Variants in DENND1A observed in about 807,000 individuals in gnomAD.
DENND1A encodes the protein DENN domain containing 1A.
A neutral mutation model predicts 113.7 loss-of-function variants in DENND1A; 51 were observed. The ratio of observed to expected loss-of-function variants is 0.45; its 90% confidence interval spans 0.36 to 0.57. The LOEUF is 0.57. Ranked by LOEUF, DENND1A falls within the 20% of genes least tolerant of loss-of-function variation. DENND1A has a pLI of 0.00. For missense variants in DENND1A, 1,258 were observed against 1,395.9 expected (o/e 0.90, Z 1.57); for synonymous variants, 565 against 570.8 (o/e 0.99, Z 0.14).
intron 5 of DENND1A, among the ~76,000 whole-genome samples, chr9:123,745,754 T>C (rs766639838): frequency 3.3e-5 from 5 of 152,136 alleles, no homozygotes; most frequent in Non-Finnish European, 7.3e-5. Flanking sequence ...CATAAACAAC[T>C]CAACCCCTTT....
intron 19 of DENND1A, among the ~76,000 whole-genome samples, chr9:123,419,404 A>G (rs767451897): frequency 9.9e-5 from 15 of 152,256 alleles, no homozygotes; most frequent in Non-Finnish European, 1.9e-4. Context: ...AGGCCCTGCC[A>G]TTTCTCAGTT....
At chr9:123,711,515 A>ATATATG (rs1554970688) in intron 5 of DENND1A, among the ~76,000 whole-genome samples, 2,097 of 30,432 alleles carry the variant, frequency 0.069, 25 homozygotes, top group East Asian at 0.13. Flanking sequence ...GTATATATGT[A>ATATATG]TATATATATA....
chr9:123,719,571 T>A (rs2067202202), intron 5 of DENND1A, among the ~76,000 whole-genome samples: 1 of 152,248 alleles, frequency 6.6e-6, no homozygotes, highest in Non-Finnish European at 1.5e-5. Context: ...CAGGCTCAGT[T>A]AAATCGCAGA....
intron 13 of DENND1A, among the ~76,000 whole-genome samples, chr9:123,470,364 G>GCCAGGGGTTGCCTCACTCA (rs1554830810): frequency 6.6e-6 from 1 of 151,182 alleles, no homozygotes; most frequent in Non-Finnish European, 1.5e-5. Context: ...CACGTGGCCA[G>GCCAGGGGTTGCCTCACTCA]CGCCAGGGGT....
intron 10 of DENND1A, among the ~76,000 whole-genome samples, chr9:123,609,831 A>G (rs2060332495): frequency 6.6e-6 from 1 of 152,190 alleles, no homozygotes; most frequent in Admixed American, 6.5e-5. Context: ...AAGAAAATAT[A>G]CGTTAAATGA....
intron 12 of DENND1A, among the ~76,000 whole-genome samples, chr9:123,567,784 T>C (rs1421784841): frequency 1.3e-5 from 2 of 152,146 alleles, no homozygotes; most frequent in Non-Finnish European, 2.9e-5. Context: ...GCCCAAAAGA[T>C]GAGCATATCA....
At chr9:123,616,940 C>T (rs186880843) in intron 10 of DENND1A, among the ~76,000 whole-genome samples, 1 of 152,368 alleles carries the variant, frequency 6.6e-6, no homozygotes, top group Non-Finnish European at 1.5e-5. Context: ...CAAACCGCTA[C>T]AAGGAGACGC....
At chr9:123,792,536 C>A in intron 3 of DENND1A, 51 bp downstream of exon 3, 1 of 1,580,910 alleles carries the variant, frequency 6.3e-7, no homozygotes, top group Non-Finnish European at 8.7e-7. Context: ...ATATGTTGAA[C>A]AACTCTGAAA....
At chr9:123,668,201 G>A (rs1424995128) in intron 7 of DENND1A, among the ~76,000 whole-genome samples, 1 of 152,120 alleles carries the variant, frequency 6.6e-6, no homozygotes, top group Non-Finnish European at 1.5e-5. Flanking sequence ...CGTAGCCATG[G>A]CCTAAGTTCA....
At chr9:123,740,599 A>T (rs1276452836) in intron 5 of DENND1A, among the ~76,000 whole-genome samples, 2 of 151,072 alleles carry the variant, frequency 1.3e-5, no homozygotes, top group African/African-American at 2.4e-5. Context: ...TCCTTCTTAG[A>T]AAAAAAAAAT....
In DENND1A at chr9:123,383,537, G is replaced by A. The variant is rs1034450472; in HGVS notation, c.2019+118C>T. On this transcript the variant is annotated intron_variant, in intron 23 of 23. Coordinates refer to ENST00000394215, the MANE Select transcript of DENND1A (RefSeq NM_001352964.2). The stretch of plus-strand genomic sequence containing the variant: ...GTCACACTGACCCTGAGCATTGGCT[G>A]AGGGTCTTGGAAAGTCACTGTTTCT... 4.8e-6 allele frequency: 7 copies of A among 1,457,064 alleles called. No individual in the cohort carries two copies. The African/African-American group carries it at 9.8e-5, about 20-fold the overall frequency. 90.3% of individuals were successfully genotyped at this position (1,457,064 alleles called of 1,614,324 possible).
At chr9:123,406,533 G>A (rs913734583) in intron 20 of DENND1A, among the ~76,000 whole-genome samples, 6 of 152,246 alleles carry the variant, frequency 3.9e-5, no homozygotes, top group South Asian at 2.1e-4. Flanking sequence ...TGTCATGGTT[G>A]CTCAGCAAGA....
At chr9:123,719,498 C>G (rs774728025) in intron 5 of DENND1A, among the ~76,000 whole-genome samples, 6 of 152,202 alleles carry the variant, frequency 3.9e-5, no homozygotes, top group Non-Finnish European at 7.3e-5. Context: ...GTTTAATCAT[C>G]ATCCTTGCAA....
chr9:123,490,619 A>G (rs2051284905), intron 13 of DENND1A, among the ~76,000 whole-genome samples: 1 of 152,088 alleles, frequency 6.6e-6, no homozygotes, highest in Non-Finnish European at 1.5e-5. Context: ...AAACAAAAAC[A>G]AACCAGGAAT....
intron 8 of DENND1A, 100 bp downstream of exon 8, chr9:123,666,926 A>G (rs2063520436): frequency 8.7e-7 from 1 of 1,156,040 alleles, no homozygotes; most frequent in South Asian, 1.8e-5. Flanking sequence ...CATAATTTTT[A>G]TAATGATACT....
chr9:123,602,107 G>C (rs550456509), intron 11 of DENND1A, among the ~76,000 whole-genome samples: 1 of 152,328 alleles, frequency 6.6e-6, no homozygotes, highest in South Asian at 2.1e-4. Flanking sequence ...ATCTGAGGGG[G>C]ATTGGTTCCA....
chr9:123,805,532 C>T (rs978612390), intron 2 of DENND1A, among the ~76,000 whole-genome samples: 1 of 151,332 alleles, frequency 6.6e-6, no homozygotes, highest in African/African-American at 2.4e-5. Flanking sequence ...CTCCTGGGTT[C>T]AAGCGATTAT....
At chr9:123,745,146 G>C (rs1391738136) in intron 5 of DENND1A, among the ~76,000 whole-genome samples, 1 of 152,130 alleles carries the variant, frequency 6.6e-6, no homozygotes, top group Non-Finnish European at 1.5e-5. Context: ...AGAGTAAATG[G>C]AGTAATCAGA....
At chr9:123,744,137 C>T (rs1373664462) in intron 5 of DENND1A, among the ~76,000 whole-genome samples, 1 of 152,188 alleles carries the variant, frequency 6.6e-6, no homozygotes, top group Non-Finnish European at 1.5e-5. Flanking sequence ...GCCAGGATAA[C>T]TACTTCATTA....
Sources: allele counts gnomAD v4.1 joint callset (sites outside exome capture counted in the v4.1 genomes callset), GRCh38; gene constraint gnomAD v4.1.1; transcripts MANE v1.5; gene names NCBI Gene and HGNC (gene_info 2026-07-23, HGNC 2026-07-21).